The following RANBP2 variants were observed in gnomAD, a reference collection of about 807,000 sequenced individuals.
RANBP2 encodes the protein RAN binding protein 2, also known as E3 SUMO-protein ligase RanBP2.
In RANBP2, 57 loss-of-function variants were observed where a neutral mutation model predicts 303.6. The ratio of observed to expected loss-of-function variants is 0.19; its 90% CI spans 0.15 to 0.23. The LOEUF is 0.23. RANBP2 is among the 10% of genes least tolerant of loss of function. The pLI, the probability that RANBP2 is intolerant of heterozygous loss-of-function variation, is 1.00. For synonymous variants in RANBP2, 1,167 were observed against 1,301.5 expected, an observed-to-expected ratio of 0.90 and a Z score of 2.23; for missense variants, 3,138 against 3,780.8, an observed-to-expected ratio of 0.83 and a Z score of 4.46.
the RANBP2 span, among the ~76,000 whole-genome samples, chr2:109,288,237 A>G: frequency 6.6e-5 from 10 of 152,246 alleles, no homozygotes; most frequent in African/African-American, 2.4e-4. Flanking sequence ...CTCAAGAACA[A>G]AGAAAGTTAA....
chr2:109,330,227 A>G, the RANBP2 span, among the ~76,000 whole-genome samples: 3 of 152,000 alleles, frequency 2.0e-5, no homozygotes, highest in African/African-American at 2.4e-5. Context: ...AGTCTCCCCA[A>G]CTCTGTGGGT....
chr2:109,373,720 A>T, the RANBP2 span, among the ~76,000 whole-genome samples: 1 of 152,138 alleles, frequency 6.6e-6, no homozygotes, highest in Admixed American at 6.5e-5. Flanking sequence ...AGCTGCACAG[A>T]TTATGCTGCT....
chr2:108,787,186 T>TG (rs771437508), downstream of RANBP2, among the ~76,000 whole-genome samples: 21 of 152,352 alleles, frequency 1.4e-4, no homozygotes, highest in Non-Finnish European at 2.8e-4. Flanking sequence ...AGCTTTTTTT[T>TG]GCAGTGATGT....
At chr2:108,827,722 A>T in the RANBP2 span, among the ~76,000 whole-genome samples, 1 of 151,954 alleles carries the variant, frequency 6.6e-6, no homozygotes, top group Non-Finnish European at 1.5e-5. Context: ...AGGCTGAGGC[A>T]GGAGAATGGC....
At chr2:109,638,496 T>C in the RANBP2 span, among the ~76,000 whole-genome samples, 1 of 152,270 alleles carries the variant, frequency 6.6e-6, no homozygotes, top group East Asian at 1.9e-4. Flanking sequence ...AGCTCCAAAG[T>C]GGAGCTGAGC....
the RANBP2 span, among the ~76,000 whole-genome samples, chr2:109,595,235 C>T: frequency 1.3e-5 from 2 of 152,180 alleles, no homozygotes; most frequent in African/African-American, 2.4e-5. Flanking sequence ...TGACACTTGT[C>T]AGTTGGAAGA....
chr2:109,036,434 A>G, the RANBP2 span, among the ~76,000 whole-genome samples: 2 of 152,238 alleles, frequency 1.3e-5, no homozygotes, highest in Non-Finnish European at 2.9e-5. Flanking sequence ...CACAAAATTT[A>G]TCAACAAAAT....
the RANBP2 span, among the ~76,000 whole-genome samples, chr2:109,429,963 C>T: frequency 6.6e-6 from 1 of 152,204 alleles, no homozygotes; most frequent in Non-Finnish European, 1.5e-5. Context: ...AACAAGGCCT[C>T]CACAGAGCAC....
chr2:108,816,096 G>A, the RANBP2 span: 110 of 1,600,142 alleles, frequency 6.9e-5, no homozygotes, highest in African/African-American at 1.3e-3. Flanking sequence ...TTCAGGAGAA[G>A]TGTGTAAAGG....
chr2:109,093,307 C>T, the RANBP2 span, among the ~76,000 whole-genome samples: 2 of 149,230 alleles, frequency 1.3e-5, no homozygotes, highest in Admixed American at 6.8e-5. Context: ...GTAACTTTGT[C>T]ATTTATTAAG....
chr2:109,647,155 CTTTTTTTT>C, the RANBP2 span, among the ~76,000 whole-genome samples: 10 of 71,474 alleles, frequency 1.4e-4, no homozygotes, highest in African/African-American at 3.9e-4. Context: ...GCTCTCCTCA[CTTTTTTTT>C]TTTTTTTTTT....
At chr2:108,739,798 A>C (rs1228263017) in intron 6 of RANBP2, among the ~76,000 whole-genome samples, 1 of 152,216 alleles carries the variant, frequency 6.6e-6, no homozygotes, top group Non-Finnish European at 1.5e-5. Flanking sequence ...AGCCTGGCCA[A>C]CGTAGTGAAA....
the RANBP2 span, among the ~76,000 whole-genome samples, chr2:108,909,583 C>T: frequency 2.6e-5 from 4 of 152,216 alleles, no homozygotes; most frequent in Admixed American, 2.0e-4. Context: ...TCCTTCCAGG[C>T]GCAGCCTGCA....
At chr2:109,152,412 T>G in the RANBP2 span, among the ~76,000 whole-genome samples, 1 of 152,216 alleles carries the variant, frequency 6.6e-6, no homozygotes, top group Non-Finnish European at 1.5e-5. Context: ...AAATAAATAA[T>G]TCTGGGCTCC....
chr2:109,313,746 C>T, the RANBP2 span: 1 of 154,984 alleles, frequency 6.5e-6, no homozygotes, highest in East Asian at 1.9e-4. Flanking sequence ...AAAGGTGCTT[C>T]CGGTTTCTTT....
chr2:108,996,631 A>G, the RANBP2 span, among the ~76,000 whole-genome samples: 1 of 152,110 alleles, frequency 6.6e-6, no homozygotes, highest in Non-Finnish European at 1.5e-5. Flanking sequence ...ATGAGCATGG[A>G]GCCCAAGCCT....
the RANBP2 span, among the ~76,000 whole-genome samples, chr2:109,703,444 C>T: frequency 1.3e-5 from 2 of 152,132 alleles, no homozygotes; most frequent in African/African-American, 4.8e-5. Flanking sequence ...TTTATTTATT[C>T]TTGAGATGGA....
At chr2:109,046,969 C>T in the RANBP2 span, among the ~76,000 whole-genome samples, 3 of 152,126 alleles carry the variant, frequency 2.0e-5, no homozygotes, top group Admixed American at 6.5e-5. Flanking sequence ...TGTCAGCAAC[C>T]CTGCTCATCC....
chr2:109,244,525 G>A, the RANBP2 span, among the ~76,000 whole-genome samples: 2 of 152,128 alleles, frequency 1.3e-5, no homozygotes, highest in Non-Finnish European at 2.9e-5. Flanking sequence ...AATTTATAGG[G>A]CCCTAAGCTG....
Sources: gnomAD v4.1 joint callset for allele counts (sites outside exome capture counted in the v4.1 genomes callset) on GRCh38, gnomAD v4.1.1 for gene constraint, MANE v1.5 for transcripts, NCBI Gene and HGNC (gene_info 2026-07-23, HGNC 2026-07-21) for gene names.